The following OR51B5 variants were observed in gnomAD, a reference collection of about 807,000 sequenced individuals.
The protein encoded by OR51B5 is olfactory receptor 51B5.
For missense variants in OR51B5, 456 were observed against 374.6 expected (o/e 1.22, Z -1.79); for synonymous variants, 186 against 144.8 (o/e 1.28, Z -2.04).
chr11:5,460,192 A>C (rs1483983447), intron 1 of OR51B5, among the ~76,000 whole-genome samples: 1 of 152,188 alleles, frequency 6.6e-6, no homozygotes, highest in East Asian at 1.9e-4. Flanking sequence ...TAAATGATGA[A>C]AACACATGGA....
chr11:5,427,038 C>A (rs746063524), intron 1 of OR51B5, among the ~76,000 whole-genome samples: 1 of 152,186 alleles, frequency 6.6e-6, no homozygotes, highest in Non-Finnish European at 1.5e-5. Context: ...CCATCACCTC[C>A]CCCAAAGCAC....
chr11:5,466,949 A>G (rs150334555), intron 1 of OR51B5, among the ~76,000 whole-genome samples: 3,436 of 152,322 alleles, frequency 0.023, 72 homozygotes, highest in Non-Finnish European at 0.028. Context: ...TTCCTCTACG[A>G]TCAGAGCCTT....
chr11:5,382,247 T>G (rs1160823675), intron 1 of OR51B5, among the ~76,000 whole-genome samples: 3 of 152,184 alleles, frequency 2.0e-5, no homozygotes, highest in African/African-American at 4.8e-5. Context: ...CATAAACAAC[T>G]TTTCCTCACC....
At chr11:5,418,849 C>T (rs1032083090) in intron 1 of OR51B5, among the ~76,000 whole-genome samples, 4 of 141,096 alleles carry the variant, frequency 2.8e-5, no homozygotes, top group African/African-American at 1.0e-4. Context: ...GCACATTCTG[C>T]ACATGTACCC....
At chr11:5,383,920 G>A (rs2647555) in intron 1 of OR51B5, 61,453 of 152,008 alleles carry the variant, frequency 0.4, 12,664 homozygotes, top group South Asian at 0.54. Context: ...ACCTGCTGGT[G>A]AGTCTCACTA....
chr11:5,503,502 T>G (rs1162486968), intron 1 of OR51B5, among the ~76,000 whole-genome samples: 1 of 152,238 alleles, frequency 6.6e-6, no homozygotes, highest in South Asian at 2.1e-4. Flanking sequence ...CTCAACATGT[T>G]CCAATTTATA....
At chr11:5,389,607 C>A in intron 1 of OR51B5, 1 of 1,613,838 alleles carries the variant, frequency 6.2e-7, no homozygotes, top group Non-Finnish European at 8.5e-7. Context: ...CTGCACACAC[C>A]CATGTACTAT....
rs543473582 is a variant in OR51B5 at position 5,472,175 on chromosome 11, G to T, written n.84+33394C>A. On this transcript the variant is annotated intron_variant and non_coding_transcript_variant, in intron 1 of 4. Coordinates refer to the OR51B5 transcript ENST00000415970. ...AACCACACAGTGAAGCTCCAAGCAC[G>T]AAGCCAGCATAGTGGCAGTTCAGGC... Among the ~76,000 whole-genome samples the T allele has an allele frequency of 2.6e-5, 4 of 152,172 alleles. No individual in the cohort carries two copies. The East Asian group carries it at 7.7e-4, about 29-fold the overall frequency.
At chr11:5,487,782 G>A (rs1851518661) in intron 1 of OR51B5, among the ~76,000 whole-genome samples, 1 of 152,170 alleles carries the variant, frequency 6.6e-6, no homozygotes, top group African/African-American at 2.4e-5. Flanking sequence ...TATAGTGGTG[G>A]ATTGGAGGAC....
At chr11:5,390,586 C>A in intron 1 of OR51B5, 1 of 521,352 alleles carries the variant, frequency 1.9e-6, no homozygotes, top group Non-Finnish European at 3.3e-6. Flanking sequence ...CAGCTGAGAA[C>A]TGGCATTTTT....
upstream of OR51B5, among the ~76,000 whole-genome samples, chr11:5,345,093 A>G (rs974548255): frequency 6.6e-6 from 1 of 152,224 alleles, no homozygotes; most frequent in Non-Finnish European, 1.5e-5. Context: ...GTAGTAATCA[A>G]GTGTCATAGG....
intron 1 of OR51B5, among the ~76,000 whole-genome samples, chr11:5,370,448 T>C (rs1849430610): frequency 6.6e-6 from 1 of 152,200 alleles, no homozygotes; most frequent in East Asian, 1.9e-4. Context: ...GGATCATTTG[T>C]TGGTATGTCT....
At chr11:5,378,192 G>C (rs1469557817) in intron 1 of OR51B5, among the ~76,000 whole-genome samples, 1 of 151,836 alleles carries the variant, frequency 6.6e-6, no homozygotes, top group Non-Finnish European at 1.5e-5. Context: ...AAAAACCTGA[G>C]AAAAACAAGA....
At chr11:5,343,664 T>A, upstream of OR51B5, 1 of 537,772 alleles carries the variant, frequency 1.9e-6, no homozygotes, top group Non-Finnish European at 3.2e-6. Flanking sequence ...TAAGTGATTG[T>A]TTCTCAAAAT....
intron 1 of OR51B5, chr11:5,453,802 ACTT>A (rs1454142702): frequency 1.2e-6 from 2 of 1,613,914 alleles, no homozygotes; most frequent in Middle Eastern, 1.6e-4. Flanking sequence ...TTTCTTATTC[ACTT>A]CTTCTCCATG....
At chr11:5,416,857 G>T (rs1343951229) in intron 1 of OR51B5, among the ~76,000 whole-genome samples, 1 of 151,896 alleles carries the variant, frequency 6.6e-6, no homozygotes, top group Non-Finnish European at 1.5e-5. Flanking sequence ...ACTGCCCAAG[G>T]TAATTTACAG....
upstream of OR51B5, among the ~76,000 whole-genome samples, chr11:5,348,152 T>C (rs562075743): frequency 1.3e-4 from 20 of 152,262 alleles, no homozygotes; most frequent in African/African-American, 4.3e-4. Context: ...TCCTAAAGAC[T>C]CCCTGACATC....
Position 5,343,200 on chromosome 11 carries a change from C to A in OR51B5, c.325G>T (p.Glu109Ter). Residue 109 changes from glutamate to a stop codon, truncating the protein, a stop_gained, in exon 1 of 1, where the codon GAG (glutamate) becomes TAG (stop). Coordinates refer to ENST00000300773, the Ensembl canonical transcript of OR51B5. LOFTEE classifies it low-confidence loss of function (END_TRUNC). Reference sequence around the variant, plus strand: ...GCCATGGCAAGCAGAATGCCAGACTCGAGAAAGGAAAGTGAGTGTATAAAG... The same window carrying A: ...GCCATGGCAAGCAGAATGCCAGACTAGAGAAAGGAAAGTGAGTGTATAAAG... 6.2e-7 allele frequency: 1 copy of A among 1,613,670 alleles called. No homozygotes were observed. The highest frequency in any genetic ancestry group is 1.1e-5 in the South Asian group (1 of 91,046).
intron 1 of OR51B5, chr11:5,351,720 G>A: frequency 3.1e-6 from 5 of 1,614,048 alleles, no homozygotes; most frequent in Non-Finnish European, 4.2e-6. Context: ...ACCTCGGAGT[G>A]ACATTGACCA....
Sources: allele counts gnomAD v4.1 joint callset (sites outside exome capture counted in the v4.1 genomes callset), GRCh38; gene constraint gnomAD v4.1.1; transcripts MANE v1.5; gene names NCBI Gene and HGNC (gene_info 2026-07-23, HGNC 2026-07-21).